Variants in GABPB1 observed in about 807,000 individuals in gnomAD.
The protein encoded by GABPB1 is GA-binding protein subunit beta-1.
GABPB1 carries 15 observed loss-of-function variants against 45.9 expected under a neutral mutation model. The observed-to-expected ratio is 0.33, with a 90% CI of 0.22 to 0.50. The LOEUF (loss-of-function observed/expected upper bound fraction) is 0.50. GABPB1 is among the 20% of genes least tolerant of loss of function. The probability of loss-of-function intolerance (pLI) is 0.98; values close to 1 mark genes in which losing one functional copy is unlikely to be tolerated. For missense variants in GABPB1, 252 were observed against 457.5 expected, an observed-to-expected ratio of 0.55 and a Z score of 4.10; for synonymous variants, 143 against 154.4, an observed-to-expected ratio of 0.93 and a Z score of 0.55.
intron 7 of GABPB1, 24 bp from the exon 8 acceptor site, chr15:50,286,207 AT>A: frequency 7.0e-7 from 1 of 1,430,290 alleles, no homozygotes; most frequent in Non-Finnish European, 9.4e-7. Context: ...AAAATTATGT[AT>A]TACTTCATTT....
chr15:50,345,603 C>A (rs1181705218), intron 1 of GABPB1, among the ~76,000 whole-genome samples: 2 of 152,160 alleles, frequency 1.3e-5, no homozygotes, highest in African/African-American at 4.8e-5. Flanking sequence ...TAATTCAATT[C>A]TTAAAATTTT....
chr15:50,314,634 C>G (rs1301275575), intron 1 of GABPB1: 3 of 152,158 alleles, frequency 2.0e-5, no homozygotes, highest in Non-Finnish European at 4.4e-5. Flanking sequence ...GGGCAAGTGC[C>G]ATGGATACTA....
intron 1 of GABPB1, among the ~76,000 whole-genome samples, chr15:50,343,734 T>A (rs1182458466): frequency 6.6e-6 from 1 of 152,124 alleles, no homozygotes; most frequent in Non-Finnish European, 1.5e-5. Context: ...AGATGAGGTT[T>A]CACCATGTCG....
chr15:50,347,772 T>C (rs369096375), intron 1 of GABPB1, among the ~76,000 whole-genome samples: 9 of 152,064 alleles, frequency 5.9e-5, no homozygotes, highest in Non-Finnish European at 1.2e-4. Context: ...ATCACTACTA[T>C]AGGCTGGGCG....
chr15:50,317,438 T>C (rs2047378528), intron 1 of GABPB1, among the ~76,000 whole-genome samples: 1 of 151,172 alleles, frequency 6.6e-6, no homozygotes, highest in Admixed American at 6.6e-5. Flanking sequence ...AAAAACCACT[T>C]GGAAACAATA....
At chr15:50,287,736 G>C (rs1483784022) in intron 7 of GABPB1, among the ~76,000 whole-genome samples, 5 of 152,140 alleles carry the variant, frequency 3.3e-5, no homozygotes, top group African/African-American at 1.2e-4. Flanking sequence ...TATTTTTAAA[G>C]TTTTCTTCTT....
chr15:50,352,706 A>G (rs1211741384), intron 1 of GABPB1: 1 of 152,198 alleles, frequency 6.6e-6, no homozygotes, highest in African/African-American at 2.4e-5. Context: ...TACACCTGGT[A>G]TTTTCTAACA....
intron 6 of GABPB1, among the ~76,000 whole-genome samples, chr15:50,300,201 T>C (rs1410812158): frequency 6.6e-6 from 1 of 152,076 alleles, no homozygotes; most frequent in African/African-American, 2.4e-5. Flanking sequence ...ACAAGTTTTG[T>C]TTTTCAATTA....
intron 1 of GABPB1, among the ~76,000 whole-genome samples, chr15:50,326,335 G>A (rs565046147): frequency 2.9e-4 from 44 of 152,202 alleles, no homozygotes; most frequent in African/African-American, 1.1e-3. Context: ...ACAACATGGT[G>A]AAACCCTAAT....
intron 1 of GABPB1, among the ~76,000 whole-genome samples, chr15:50,336,078 T>C (rs1220049648): frequency 1.3e-5 from 2 of 151,150 alleles, no homozygotes; most frequent in African/African-American, 2.4e-5. Flanking sequence ...AGGCTTGGCA[T>C]GGTGGCTCAC....
intron 1 of GABPB1, among the ~76,000 whole-genome samples, chr15:50,318,805 C>T (rs1308179063): frequency 6.6e-6 from 1 of 152,118 alleles, no homozygotes; most frequent in Non-Finnish European, 1.5e-5. Flanking sequence ...AAAGAAAAAA[C>T]TAGACTATTT....
intron 1 of GABPB1, among the ~76,000 whole-genome samples, chr15:50,322,018 T>C (rs1485532441): frequency 6.6e-6 from 1 of 151,998 alleles, no homozygotes; most frequent in Non-Finnish European, 1.5e-5. Context: ...AATTCGGTTT[T>C]CTAGTCAAAA....
At chr15:50,322,503 G>A (rs1433524322) in intron 1 of GABPB1, among the ~76,000 whole-genome samples, 4 of 151,820 alleles carry the variant, frequency 2.6e-5, no homozygotes, top group East Asian at 1.9e-4. Flanking sequence ...CCAAGATTGC[G>A]CCACTGCACT....
intron 1 of GABPB1, among the ~76,000 whole-genome samples, chr15:50,348,032 A>C (rs985503601): frequency 2.1e-5 from 2 of 95,010 alleles, no homozygotes; most frequent in African/African-American, 1.2e-4. Flanking sequence ...GACAGAGTGA[A>C]ACTCCATCTG....
intron 1 of GABPB1, among the ~76,000 whole-genome samples, chr15:50,337,130 A>ATATATATATATATAT (rs1285570529): frequency 5.2e-4 from 2 of 3,868 alleles, no homozygotes; most frequent in Admixed American, 2.6e-3. Context: ...TATATATATA[A>ATATATATATATATAT]TATGAAGAGG....
At chr15:50,314,170 GATTT>G (rs372088129) in intron 1 of GABPB1, among the ~76,000 whole-genome samples, 4 of 149,564 alleles carry the variant, frequency 2.7e-5, no homozygotes, top group South Asian at 2.1e-4. Context: ...CCATACGGTA[GATTT>G]ATTTATTTAT....
chr15:50,311,050 G>A (rs1406794759), intron 1 of GABPB1, among the ~76,000 whole-genome samples: 1 of 151,708 alleles, frequency 6.6e-6, no homozygotes, highest in Non-Finnish European at 1.5e-5. Flanking sequence ...TAATGTCCCA[G>A]CCTGGGATGT....
intron 2 of GABPB1, among the ~76,000 whole-genome samples, chr15:50,305,437 G>C (rs1471238260): frequency 2.6e-5 from 4 of 152,086 alleles, no homozygotes; most frequent in African/African-American, 9.7e-5. Flanking sequence ...CTACAGCTTT[G>C]AACTGCTGGG....
chr15:50,312,334 G>A (rs1246278522), intron 1 of GABPB1, among the ~76,000 whole-genome samples: 4 of 151,978 alleles, frequency 2.6e-5, no homozygotes, highest in Admixed American at 1.3e-4. Flanking sequence ...TGTGACACTC[G>A]CAACATTTTC....
Sources: gnomAD v4.1 joint callset for allele counts (sites outside exome capture counted in the v4.1 genomes callset) on GRCh38, gnomAD v4.1.1 for gene constraint, MANE v1.5 for transcripts, NCBI Gene and HGNC (gene_info 2026-07-23, HGNC 2026-07-21) for gene names.